The following NALCN variants were observed in gnomAD, a reference collection of about 807,000 sequenced individuals.
NALCN encodes the protein sodium leak channel, non-selective, also known as sodium leak channel NALCN.
In NALCN, 111 loss-of-function variants were observed where a neutral mutation model predicts 225.3. The observed-to-expected ratio is 0.49, with a 90% CI of 0.42 to 0.58. The LOEUF (loss-of-function observed/expected upper bound fraction) is 0.58. NALCN is among the 20% of genes least tolerant of loss of function. The probability of loss-of-function intolerance (pLI) is 0.00; values close to 1 mark genes in which losing one functional copy is unlikely to be tolerated. For missense variants in NALCN, 1,378 were observed against 2,202.4 expected (o/e 0.63, Z 7.49); for synonymous variants, 764 against 769.0 (o/e 0.99, Z 0.11).
chr13:101,302,599 T>C (rs1489443473), intron 7 of NALCN, among the ~76,000 whole-genome samples: 1 of 152,166 alleles, frequency 6.6e-6, no homozygotes, highest in African/African-American at 2.4e-5. Context: ...AAATTTACAC[T>C]GAATGTCATT....
At chr13:101,356,849 T>C (rs753047433) in intron 6 of NALCN, among the ~76,000 whole-genome samples, 19 of 152,274 alleles carry the variant, frequency 1.2e-4, no homozygotes, top group Admixed American at 3.3e-4. Flanking sequence ...CACAATCAAG[T>C]CGGCTTCATC....
intron 15 of NALCN, among the ~76,000 whole-genome samples, chr13:101,147,829 C>T (rs2037431457): frequency 6.6e-6 from 1 of 152,116 alleles, no homozygotes; most frequent in South Asian, 2.1e-4. Context: ...GAAACATCTG[C>T]ACCCTCTGCC....
At chr13:101,343,582 T>C (rs1180458871) in intron 7 of NALCN, among the ~76,000 whole-genome samples, 5 of 152,330 alleles carry the variant, frequency 3.3e-5, no homozygotes, top group African/African-American at 1.2e-4. Flanking sequence ...CCCTGTGCCC[T>C]GGAGACTTGA....
chr13:101,355,760 G>A (rs551031877), intron 6 of NALCN, among the ~76,000 whole-genome samples: 7 of 152,022 alleles, frequency 4.6e-5, no homozygotes, highest in South Asian at 4.1e-4. Flanking sequence ...TTCTCAGTGC[G>A]ACATGGCACT....
chr13:101,147,727 C>G (rs553990343), intron 15 of NALCN, among the ~76,000 whole-genome samples: 24 of 152,072 alleles, frequency 1.6e-4, no homozygotes, highest in African/African-American at 5.5e-4. Context: ...TCAATCTAGG[C>G]TCAGAGGCCT....
intron 22 of NALCN, 41 bp downstream of exon 22, chr13:101,107,446 T>C (rs1437623685): frequency 8.1e-6 from 13 of 1,612,728 alleles, no homozygotes; most frequent in East Asian, 4.5e-5. Context: ...GCTGTTTGCA[T>C]GGCTCAGGCC....
intron 16 of NALCN, among the ~76,000 whole-genome samples, chr13:101,143,486 C>T (rs1221242533): frequency 2.7e-5 from 4 of 146,970 alleles, no homozygotes; most frequent in African/African-American, 5.0e-5. Context: ...TTTTTTGAGA[C>T]GGAGTTTCAC....
chr13:101,195,920 A>G (rs1025051695), intron 13 of NALCN, among the ~76,000 whole-genome samples: 7 of 151,984 alleles, frequency 4.6e-5, no homozygotes, highest in Non-Finnish European at 1.0e-4. Context: ...CAATATTTAC[A>G]TTTTGTTTTT....
intron 7 of NALCN, among the ~76,000 whole-genome samples, chr13:101,310,864 T>G (rs566941157): frequency 6.6e-6 from 1 of 152,262 alleles, no homozygotes; most frequent in East Asian, 1.9e-4. Flanking sequence ...AAGTCAGAAC[T>G]GAATCAGAAA....
At chr13:101,250,902 CG>C (rs2042043616) in intron 11 of NALCN, among the ~76,000 whole-genome samples, 1 of 150,280 alleles carries the variant, frequency 6.7e-6, no homozygotes, top group African/African-American at 2.4e-5. Context: ...TGACAGAATA[CG>C]AAAAAAAGGT....
intron 17 of NALCN, 115 bp from the exon 18 acceptor site, chr13:101,124,796 G>T: frequency 1.1e-6 from 1 of 898,310 alleles, no homozygotes; most frequent in Non-Finnish European, 1.8e-6. Context: ...TTTCGCTAAA[G>T]CATCATCGTA....
intron 12 of NALCN, among the ~76,000 whole-genome samples, chr13:101,233,631 C>G (rs866781862): frequency 6.6e-6 from 1 of 152,102 alleles, no homozygotes; most frequent in Non-Finnish European, 1.5e-5. Flanking sequence ...TGAGCCACTG[C>G]GCCCAGCCGG....
intron 1 of NALCN, among the ~76,000 whole-genome samples, chr13:101,410,898 T>C (rs73567915): frequency 0.046 from 6,949 of 152,290 alleles, 285 homozygotes; most frequent in East Asian, 0.11. Flanking sequence ...CTTCCATCAC[T>C]AAGACGTGGT....
At chr13:101,244,403 A>G in intron 11 of NALCN, among the ~76,000 whole-genome samples, 1 of 152,220 alleles carries the variant, frequency 6.6e-6, no homozygotes, top group East Asian at 1.9e-4. Flanking sequence ...CTCTGTGGGA[A>G]AATGATATTC....
chr13:101,313,433 G>A (rs917337870), intron 7 of NALCN, among the ~76,000 whole-genome samples: 9 of 151,854 alleles, frequency 5.9e-5, no homozygotes, highest in Admixed American at 5.2e-4. Flanking sequence ...TCTGACAAAC[G>A]GCTAATATCC....
At chr13:101,302,669 T>G (rs1483632229) in intron 7 of NALCN, among the ~76,000 whole-genome samples, 1 of 152,192 alleles carries the variant, frequency 6.6e-6, no homozygotes, top group East Asian at 1.9e-4. Flanking sequence ...TCATTTGTAA[T>G]AATATTACAA....
chr13:101,144,858 C>A lies in NALCN; in HGVS notation c.1878G>T (p.Lys626Asn), dbSNP rs2037267298. The change falls in exon 16 of 44, where the codon AAG (lysine) becomes AAT (asparagine). Residue 626 changes from lysine (K) to asparagine (N), a missense_variant. Physicochemically the swap from Lys to Asn is moderately conservative, Grantham distance 94 (BLOSUM62 0). Around this residue, in one of 19 missense-constraint regions of NALCN, gnomAD observed 62 missense variants for 143.6 expected, o/e 0.43. Transcript: ENST00000251127. ...CAAAGATTCGCAGGCGTAAAGGGAG[C>A]TTTTCTTTGGTGTCCGCATTTGCTT... The part of the protein sequence containing the change: ...QSEANADTKE[K>N]LPLRLRIFEK... The A allele has an allele frequency of 1.9e-6, 3 of 1,612,414 alleles. No individual in the cohort carries two copies. Among genetic ancestry groups the A allele is most frequent in the South Asian group, 1.1e-5 (1 of 90,768 alleles).
intron 13 of NALCN, among the ~76,000 whole-genome samples, chr13:101,207,782 C>T (rs1181772043): frequency 6.6e-6 from 1 of 152,190 alleles, no homozygotes; most frequent in East Asian, 1.9e-4. Context: ...GCAGACCACC[C>T]AAGCCAGCAG....
chr13:101,377,803 G>A (rs554029884), intron 4 of NALCN, among the ~76,000 whole-genome samples: 1 of 152,132 alleles, frequency 6.6e-6, no homozygotes, highest in African/African-American at 2.4e-5. Flanking sequence ...TTTCATGTTA[G>A]GCATTCTTAC....
Sources: allele counts gnomAD v4.1 joint callset (sites outside exome capture counted in the v4.1 genomes callset), GRCh38; gene constraint gnomAD v4.1.1; regional missense constraint gnomAD v4.1.1; transcripts MANE v1.5; gene names NCBI Gene and HGNC (gene_info 2026-07-23, HGNC 2026-07-21).